FNDC3B: variants seen among roughly 807,000 people sequenced by gnomAD.
The protein encoded by FNDC3B is fibronectin type III domain containing 3B.
Under a neutral mutation model 151.5 loss-of-function variants are expected in FNDC3B, and 12 were observed. The ratio of observed to expected loss-of-function variants is 0.08; its 90% CI spans 0.05 to 0.13. The LOEUF (loss-of-function observed/expected upper bound fraction) is 0.13. Ranked by LOEUF, FNDC3B falls within the 10% of genes least tolerant of loss-of-function variation. The pLI, the probability that FNDC3B is intolerant of heterozygous loss-of-function variation, is 1.00. For missense variants in FNDC3B, 1,214 were observed against 1,505.3 expected, an observed-to-expected ratio of 0.81 and a Z score of 3.20; for synonymous variants, 528 against 549.0, an observed-to-expected ratio of 0.96 and a Z score of 0.54.
intron 11 of FNDC3B, among the ~76,000 whole-genome samples, chr3:172,312,955 A>G (rs559083125): frequency 6.6e-6 from 1 of 152,324 alleles, no homozygotes; most frequent in Non-Finnish European, 1.5e-5. Flanking sequence ...AGCATGGTCC[A>G]TTACAGGCTA....
intron 25 of FNDC3B, among the ~76,000 whole-genome samples, chr3:172,396,599 A>T (rs1736293498): frequency 6.6e-6 from 1 of 152,170 alleles, no homozygotes; most frequent in Admixed American, 6.5e-5. Context: ...GCACAGCAGG[A>T]AGTGATTGAC....
chr3:172,334,858 T>G, intron 14 of FNDC3B, 86 bp from the exon 15 acceptor site: 1 of 1,305,888 alleles, frequency 7.7e-7, no homozygotes, highest in Non-Finnish European at 1.1e-6. Context: ...TATGGGTGCC[T>G]TAATCTCACC....
At chr3:172,271,642 C>A (rs73029382) in intron 6 of FNDC3B, among the ~76,000 whole-genome samples, 25 of 152,208 alleles carry the variant, frequency 1.6e-4, no homozygotes, top group South Asian at 2.1e-4. Context: ...TCCCACTTGG[C>A]TCTGCCAGCT....
At chr3:172,170,498 C>T (rs1051516668) in intron 3 of FNDC3B, among the ~76,000 whole-genome samples, 3 of 152,196 alleles carry the variant, frequency 2.0e-5, no homozygotes, top group Non-Finnish European at 2.9e-5. Context: ...TTCGTACATC[C>T]CTGTAGTTGT....
chr3:172,392,480 G>A (rs1736057878), intron 25 of FNDC3B, among the ~76,000 whole-genome samples: 1 of 152,308 alleles, frequency 6.6e-6, no homozygotes, highest in Middle Eastern at 3.4e-3. Flanking sequence ...ATAACTACCA[G>A]GTGAACATTG....
intron 3 of FNDC3B, among the ~76,000 whole-genome samples, chr3:172,173,456 C>T (rs912287320): frequency 6.6e-6 from 1 of 151,836 alleles, no homozygotes; most frequent in Non-Finnish European, 1.5e-5. Context: ...GAGAAGACAA[C>T]GTGTAATTTT....
intron 25 of FNDC3B, among the ~76,000 whole-genome samples, chr3:172,382,066 A>T (rs1428694452): frequency 6.6e-6 from 1 of 152,172 alleles, no homozygotes; most frequent in Admixed American, 6.5e-5. Flanking sequence ...ACAATGGTTG[A>T]ACTAATTTAC....
At chr3:172,137,811 A>T (rs1275423876) in intron 3 of FNDC3B, among the ~76,000 whole-genome samples, 1 of 152,240 alleles carries the variant, frequency 6.6e-6, no homozygotes, top group African/African-American at 2.4e-5. Context: ...AAAAAAGGTC[A>T]TAGTTTATTC....
chr3:172,288,149 G>A (rs1197475308), intron 7 of FNDC3B, among the ~76,000 whole-genome samples: 4 of 152,226 alleles, frequency 2.6e-5, no homozygotes, highest in Admixed American at 1.3e-4. Flanking sequence ...GAGAAAGTAT[G>A]TGAGGCAGGT....
At chr3:172,381,620 T>A (rs187377073) in intron 25 of FNDC3B, among the ~76,000 whole-genome samples, 4 of 151,914 alleles carry the variant, frequency 2.6e-5, no homozygotes, top group Admixed American at 2.0e-4. Flanking sequence ...TCCCTCCCCT[T>A]GCCCCCCACC....
rs1488052758 is a variant in FNDC3B at position 172,226,955 on chromosome 3, A to G, written c.264+8A>G. The G allele has an allele frequency of 1.3e-6, 2 of 1,566,202 alleles. No individual in the cohort carries two copies. On this transcript the variant is annotated splice_region_variant and intron_variant, in intron 4 of 25. Coordinates refer to ENST00000415807, the MANE Select transcript of FNDC3B (RefSeq NM_022763.4). ...CCAGGTTATATCTCACAGGTAATCC[A>G]TTTGATGGACTTCTCTACTCACTAT...
Position 172,285,997 on chromosome 3 carries a change from G to T in FNDC3B, c.849+13G>T. ...AGAGAAACCACAGGTATGTCTTCTG[G>T]ATTTCTCAGCATAAATGACACTTTT... On this transcript the variant is annotated intron_variant, in intron 7 of 25. Coordinates refer to ENST00000415807, the MANE Select transcript of FNDC3B (RefSeq NM_022763.4). The T allele has an allele frequency of 6.3e-7, 1 of 1,593,888 alleles. No individual in the cohort carries two copies. Among genetic ancestry groups the T allele is most frequent in the Non-Finnish European group, 8.6e-7 (1 of 1,165,842 alleles).
At chr3:172,274,932 T>C (rs1037804757) in intron 6 of FNDC3B, among the ~76,000 whole-genome samples, 6 of 152,226 alleles carry the variant, frequency 3.9e-5, no homozygotes, top group Non-Finnish European at 5.9e-5. Flanking sequence ...TCTCCAAATA[T>C]AGTCAAATTC....
chr3:172,308,952 T>C (rs1731330035), intron 10 of FNDC3B, among the ~76,000 whole-genome samples: 1 of 152,196 alleles, frequency 6.6e-6, no homozygotes, highest in African/African-American at 2.4e-5. Context: ...CCCGGGGTCT[T>C]ATAAACCTAA....
At chr3:172,232,258 T>G (rs1348205155) in intron 4 of FNDC3B, among the ~76,000 whole-genome samples, 1 of 152,196 alleles carries the variant, frequency 6.6e-6, no homozygotes, top group East Asian at 1.9e-4. Flanking sequence ...TCTAATCTGA[T>G]TGAATAGAGA....
At chr3:172,190,250 A>G (rs141162351) in intron 3 of FNDC3B, among the ~76,000 whole-genome samples, 5 of 152,306 alleles carry the variant, frequency 3.3e-5, no homozygotes, top group East Asian at 1.9e-4. Flanking sequence ...GCATGATGCT[A>G]TGGGAATGGT....
chr3:172,222,503 C>CT (rs34000459), intron 3 of FNDC3B, among the ~76,000 whole-genome samples: 1 of 152,126 alleles, frequency 6.6e-6, no homozygotes, highest in Non-Finnish European at 1.5e-5. Flanking sequence ...AGTTCCCAAC[C>CT]TTTTTGGCAC....
At chr3:172,355,519 G>T (rs528314672) in intron 22 of FNDC3B, among the ~76,000 whole-genome samples, 5 of 152,130 alleles carry the variant, frequency 3.3e-5, no homozygotes, top group Non-Finnish European at 2.9e-5. Context: ...AAAATCTAGG[G>T]GGGGGGCCTA....
chr3:172,141,339 G>A (rs1226549718), intron 3 of FNDC3B, among the ~76,000 whole-genome samples: 1 of 152,184 alleles, frequency 6.6e-6, no homozygotes, highest in Admixed American at 6.5e-5. Context: ...CAGATATGGG[G>A]TTATAGCTAA....
Sources: gnomAD v4.1 joint callset for allele counts (sites outside exome capture counted in the v4.1 genomes callset) on GRCh38, gnomAD v4.1.1 for gene constraint, MANE v1.5 for transcripts, NCBI Gene and HGNC (gene_info 2026-07-23, HGNC 2026-07-21) for gene names.